The following MRTFA variants were observed in gnomAD, a reference collection of about 807,000 sequenced individuals.
The protein encoded by MRTFA is myocardin related transcription factor A.
In MRTFA, 20 loss-of-function variants were observed where a neutral mutation model predicts 83.5. That is an observed-to-expected ratio of 0.24 (90% CI 0.17 to 0.35). The LOEUF is 0.35. Among genes scored for constraint, MRTFA ranks in the 10% least tolerant of loss-of-function variants. The pLI is 1.00. For missense variants in MRTFA, 1,200 were observed against 1,224.7 expected (o/e 0.98, Z 0.30); for synonymous variants, 659 against 541.2 (o/e 1.22, Z -3.02).
chr22:40,601,654 C>T (rs187367452), intron 1 of MRTFA, among the ~76,000 whole-genome samples: 256 of 152,186 alleles, frequency 1.7e-3, no homozygotes, highest in Non-Finnish European at 2.9e-3. Context: ...AAATACTCAT[C>T]GTTTGATACT....
chr22:40,541,333 C>T (rs1368466085), intron 3 of MRTFA, among the ~76,000 whole-genome samples: 1 of 152,150 alleles, frequency 6.6e-6, no homozygotes, highest in African/African-American at 2.4e-5. Context: ...AGTTTCTGTG[C>T]CCATTTCTGA....
At chr22:40,564,726 C>A (rs545459891) in intron 2 of MRTFA, among the ~76,000 whole-genome samples, 2 of 152,142 alleles carry the variant, frequency 1.3e-5, no homozygotes, top group Admixed American at 6.5e-5. Flanking sequence ...GATCTTGGCT[C>A]ACTGCAACCT....
At chr22:40,545,533 A>G (rs1437392244) in intron 3 of MRTFA, among the ~76,000 whole-genome samples, 1 of 151,476 alleles carries the variant, frequency 6.6e-6, no homozygotes, top group Admixed American at 6.6e-5. Flanking sequence ...CCTGGGTTCA[A>G]GCAATTCTCC....
intron 1 of MRTFA, among the ~76,000 whole-genome samples, chr22:40,628,904 CT>C (rs2056610512): frequency 6.6e-6 from 1 of 152,158 alleles, no homozygotes; most frequent in African/African-American, 2.4e-5. Context: ...CCAATGCACC[CT>C]GACAGGTCAC....
At chr22:40,470,282 A>ATATATATATATAT (rs2053886396) in intron 3 of MRTFA, among the ~76,000 whole-genome samples, 3 of 79,148 alleles carry the variant, frequency 3.8e-5, no homozygotes, top group African/African-American at 1.2e-4. Context: ...TATATATATA[A>ATATATATATATAT]AGAAACATAA....
chr22:40,438,990 T>C (rs556252026), intron 4 of MRTFA, among the ~76,000 whole-genome samples: 2 of 152,360 alleles, frequency 1.3e-5, no homozygotes, highest in Admixed American at 1.3e-4. Context: ...TTAAACCTGT[T>C]AGCTAATTTA....
intron 4 of MRTFA, among the ~76,000 whole-genome samples, chr22:40,459,822 C>CATATACATATATATATATATAT (rs1555973786): frequency 1.5e-4 from 10 of 68,258 alleles, no homozygotes; most frequent in African/African-American, 5.8e-4. Flanking sequence ...CACACACACA[C>CATATACATATATATATATATAT]ATATATACAT....
intron 3 of MRTFA, chr22:40,522,126 T>G (rs2054879584): frequency 6.6e-6 from 1 of 152,276 alleles, no homozygotes; most frequent in Admixed American, 6.5e-5. Context: ...GTGTTGGGAT[T>G]ACAGGCGTGA....
At chr22:40,525,684 G>A (rs953152415) in intron 3 of MRTFA, among the ~76,000 whole-genome samples, 1 of 152,092 alleles carries the variant, frequency 6.6e-6, no homozygotes, top group Non-Finnish European at 1.5e-5. Flanking sequence ...GCTCTATACT[G>A]TAGTGCCTCT....
At chr22:40,499,152 G>A (rs1449112042) in intron 3 of MRTFA, among the ~76,000 whole-genome samples, 5 of 152,238 alleles carry the variant, frequency 3.3e-5, no homozygotes, top group Middle Eastern at 3.4e-3. Flanking sequence ...ATTCACAACC[G>A]TTTTTCTCGT....
intron 2 of MRTFA, among the ~76,000 whole-genome samples, chr22:40,563,420 G>C (rs1158536914): frequency 7.0e-6 from 1 of 142,680 alleles, no homozygotes; most frequent in African/African-American, 2.6e-5. Context: ...AATTTAAAAA[G>C]AACTTAATAA....
At chr22:40,512,144 A>G (rs922064975) in intron 3 of MRTFA, among the ~76,000 whole-genome samples, 6 of 152,206 alleles carry the variant, frequency 3.9e-5, no homozygotes, top group African/African-American at 1.4e-4. Flanking sequence ...AAATAAGGCC[A>G]AGTACCATAT....
intron 1 of MRTFA, among the ~76,000 whole-genome samples, chr22:40,599,449 A>C (rs530322398): frequency 5.3e-5 from 8 of 152,324 alleles, no homozygotes; most frequent in Admixed American, 5.2e-4. Flanking sequence ...AATTTTTACA[A>C]TCTAAGATGA....
At position 40,411,690 on chromosome 22, in the gene MRTFA, G is replaced by A. The variant is rs199562166; in HGVS notation, c.2796C>T (p.Asp932=). ...CAATGAGGGAAAGGGGCTCTGGCCC[G>A]TCATGCCCACTGGTCAGCAGGGGCA... Residue 932 remains aspartate (D), a synonymous_variant, in exon 15 of 15, where the codon GAC becomes GAT. Coordinates refer to ENST00000355630, the MANE Select transcript of MRTFA (RefSeq NM_020831.6). The A allele has an allele frequency of 4.4e-5, 70 of 1,598,382 alleles. No individual in the cohort carries two copies. Among genetic ancestry groups the A allele is most frequent in the African/African-American group, 4.3e-4 (32 of 74,764 alleles).
intron 3 of MRTFA, among the ~76,000 whole-genome samples, chr22:40,520,974 C>A (rs2054856266): frequency 6.6e-6 from 1 of 152,008 alleles, no homozygotes; most frequent in South Asian, 2.1e-4. Flanking sequence ...GAAAAGCTGC[C>A]AAATTGTAGT....
Position 40,431,423 on chromosome 22 carries a change from T to G in MRTFA, c.421A>C (p.Arg141=). 2 of 1,614,126 alleles carry G rather than the reference T, an allele frequency of 1.2e-6. No homozygotes were observed. Among genetic ancestry groups the G allele is most frequent in the Non-Finnish European group, 1.7e-6 (2 of 1,179,972 alleles). The change falls in exon 6 of 15, where the codon AGG becomes CGG. Residue 141 remains arginine (R), a synonymous_variant. Transcript: ENST00000355630. The stretch of plus-strand genomic sequence containing the variant: ...TCCACACCTTCCAAAATGTGCATCC[T>G]GACCAGCTCCGATCTCTCCGGCCGG...
intron 2 of MRTFA, among the ~76,000 whole-genome samples, chr22:40,577,611 T>TAA (rs2055886188): frequency 1.4e-5 from 2 of 140,350 alleles, no homozygotes; most frequent in Non-Finnish European, 3.1e-5. Context: ...TACATCTGAT[T>TAA]TTTTTTTTTT....
At chr22:40,475,536 GA>G (rs901342785) in intron 3 of MRTFA, among the ~76,000 whole-genome samples, 2 of 147,006 alleles carry the variant, frequency 1.4e-5, no homozygotes, top group African/African-American at 5.0e-5. Context: ...GACTCCGTCT[GA>G]AAAAAAAAAG....
intron 7 of MRTFA, among the ~76,000 whole-genome samples, chr22:40,426,924 A>G (rs1192861971): frequency 6.6e-6 from 1 of 152,234 alleles, no homozygotes; most frequent in African/African-American, 2.4e-5. Context: ...GCAGTCGCAC[A>G]AGGCAGGTGA....
Sources: allele counts gnomAD v4.1 joint callset (sites outside exome capture counted in the v4.1 genomes callset), GRCh38; gene constraint gnomAD v4.1.1; transcripts MANE v1.5; gene names NCBI Gene and HGNC (gene_info 2026-07-23, HGNC 2026-07-21).